Variants in PSTPIP1 observed in about 807,000 individuals in gnomAD.
PSTPIP1 encodes proline-serine-threonine phosphatase-interacting protein 1.
In PSTPIP1, 66 loss-of-function variants were observed where a neutral mutation model predicts 69.6. That is an observed-to-expected ratio of 0.95 (90% CI 0.78 to 1.16). The LOEUF (loss-of-function observed/expected upper bound fraction) is 1.16, where lower values mean the gene tolerates loss of function less well. PSTPIP1 is among the 50% of genes most tolerant of loss of function. PSTPIP1 has a pLI of 0.00. For missense variants in PSTPIP1, 603 were observed against 557.4 expected (o/e 1.08, Z -0.82); for synonymous variants, 266 against 222.7 (o/e 1.19, Z -1.73).
chr15:77,034,061 G>T (rs1331397862), intron 12 of PSTPIP1, among the ~76,000 whole-genome samples: 1 of 152,114 alleles, frequency 6.6e-6, no homozygotes, highest in Non-Finnish European at 1.5e-5. Context: ...GAGATGTCCT[G>T]CAGGGCCGAG....
chr15:77,032,278 T>C lies in PSTPIP1; in HGVS notation c.742-20T>C. 6.2e-7 allele frequency: 1 copy of C among 1,611,128 alleles called. No individual in the cohort carries two copies. The highest frequency in any genetic ancestry group is 8.5e-7 in the Non-Finnish European group (1 of 1,178,846). The stretch of plus-strand genomic sequence containing the variant: ...GCAGAGTGGGCATCGGGCTGCGGCC[T>C]CTGCTCTTTCCTGCCCCAGCTCTAC... On this transcript the variant is annotated intron_variant, in intron 10 of 14. Transcript: ENST00000558012.
At chr15:77,014,350 C>T (rs2076007026) in intron 1 of PSTPIP1, among the ~76,000 whole-genome samples, 1 of 152,132 alleles carries the variant, frequency 6.6e-6, no homozygotes, top group South Asian at 2.1e-4. Flanking sequence ...ACTATTAGGC[C>T]CATTTTCACA....
At chr15:76,999,244 C>T (rs554283921) in intron 1 of PSTPIP1, among the ~76,000 whole-genome samples, 2 of 152,044 alleles carry the variant, frequency 1.3e-5, no homozygotes, top group Non-Finnish European at 2.9e-5. Context: ...TCTCCATGGT[C>T]CATCTCCCTT....
At position 77,027,509 on chromosome 15, in the gene PSTPIP1, A is replaced by ACC. The variant is rs1301801360; in HGVS notation, c.355-342_355-341insCC. Among the ~76,000 whole-genome samples, 14 of 152,316 alleles carry ACC rather than the reference A, an allele frequency of 9.2e-5. No homozygotes were observed. The highest frequency in any genetic ancestry group is 5.9e-5 in the Non-Finnish European group (4 of 68,020). ...TGTATGTGTGTGCCAGAGTGTACAC[A>ACC]CACGTGTGAGCGACTGTGATGCCTG... On this transcript the variant is annotated intron_variant, in intron 5 of 14. Transcript: ENST00000558012. The surrounding 1 kb of genome is among the most constrained non-coding windows in gnomAD (Gnocchi z 4.3).
At position 77,027,799 on chromosome 15, in the gene PSTPIP1, G is replaced by T; in HGVS notation, c.355-53G>T. ...AGGGACACTCCGTCCTCTTGGCCTA[G>T]GGGAGCCTCCCGAGGCCGCGGCCCT... On this transcript the variant is annotated intron_variant, in intron 5 of 14. Coordinates refer to ENST00000558012, the MANE Select transcript of PSTPIP1 (RefSeq NM_003978.5). This position sits in a 1 kb window ranked among gnomAD's most constrained non-coding sequence, Gnocchi z 4.3. The T allele has an allele frequency of 6.5e-7, 1 of 1,548,508 alleles. No homozygotes were observed. The highest frequency in any genetic ancestry group is 1.2e-5 in the South Asian group (1 of 83,788).
rs1306187132 is a variant in PSTPIP1 at position 76,995,430 on chromosome 15, C to T, written c.-144C>T. The T allele has an allele frequency of 6.6e-7, 1 of 1,523,180 alleles. No individual in the cohort carries two copies. The highest frequency in any genetic ancestry group is 8.8e-7 in the Non-Finnish European group (1 of 1,138,510). The allele number at this position is 1,523,180 out of a possible 1,614,324, so 94.4% of individuals were successfully genotyped here. ...AAGCTCCTCTCTGGCTCGTGGCTGC[C>T]TTCTGAGTGTTGCAGACGGCGCCGG... On this transcript the variant is annotated 5_prime_UTR_variant, in exon 1 of 15. Transcript: ENST00000558012.
chr15:77,033,048 C>T, intron 12 of PSTPIP1, 96 bp downstream of exon 12: 2 of 1,219,824 alleles, frequency 1.6e-6, no homozygotes, highest in Admixed American at 4.1e-5. Context: ...TCACTGAGCA[C>T]CTACTATGTG....
chr15:77,032,988 T>G (rs765764833), intron 12 of PSTPIP1, 36 bp downstream of exon 12: 11 of 1,563,706 alleles, frequency 7.0e-6, no homozygotes, highest in African/African-American at 2.7e-5. Flanking sequence ...GGCCTAAGGC[T>G]GGGCCAGGAA....
intron 1 of PSTPIP1, chr15:77,007,886 G>A (rs949231756): frequency 8.8e-6 from 4 of 455,798 alleles, no homozygotes; most frequent in South Asian, 3.1e-5. Flanking sequence ...GAGCCACCGC[G>A]CCCGACTGGC....
intron 1 of PSTPIP1, chr15:77,015,935 G>A (rs191291154): frequency 1.3e-4 from 59 of 456,174 alleles, no homozygotes; most frequent in African/African-American, 1.1e-3. Flanking sequence ...GGGGACTTGA[G>A]CACGGCGGTC....
intron 1 of PSTPIP1, among the ~76,000 whole-genome samples, chr15:77,013,986 G>A (rs749330840): frequency 9.9e-5 from 15 of 152,212 alleles, no homozygotes; most frequent in Admixed American, 3.9e-4. Context: ...GCTGAGGGAA[G>A]GTGTTTCTGG....
Position 77,018,484 on chromosome 15 carries a change from G to A in PSTPIP1, c.165G>A (p.Lys55=), listed in dbSNP as rs1457643058. ...QRAQAEERYG[K]ELVQIARKAG... ...CCCAGGCGGAGGAGCGGTACGGGAAGGAGCTGGTGCAGATCGCACGGAAGG... is the reference window on the plus strand; with the variant it reads ...CCCAGGCGGAGGAGCGGTACGGGAAAGAGCTGGTGCAGATCGCACGGAAGG... Residue 55 remains lysine, a synonymous_variant, in exon 3 of 15, where the codon AAG becomes AAA. Coordinates refer to ENST00000558012, the MANE Select transcript of PSTPIP1 (RefSeq NM_003978.5). 1.3e-6 allele frequency: 2 copies of A among 1,584,856 alleles called. No homozygotes were observed. The highest frequency in any genetic ancestry group is 1.7e-6 in the Non-Finnish European group (2 of 1,165,666).
intron 1 of PSTPIP1, among the ~76,000 whole-genome samples, chr15:77,008,689 C>T (rs977268079): frequency 2.6e-5 from 4 of 152,174 alleles, no homozygotes; most frequent in East Asian, 1.9e-4. Flanking sequence ...GGATTACAGG[C>T]GTGAGCCACT....
At chr15:77,034,087 G>A (rs983917345) in intron 12 of PSTPIP1, among the ~76,000 whole-genome samples, 16 of 152,144 alleles carry the variant, frequency 1.1e-4, no homozygotes, top group Admixed American at 7.2e-4. Flanking sequence ...CCTGGCTGCT[G>A]GAGGGGGCTG....
chr15:77,025,664 TG>T, intron 5 of PSTPIP1, 60 bp downstream of exon 5: 1 of 1,200,506 alleles, frequency 8.3e-7, no homozygotes, highest in Non-Finnish European at 1.1e-6. Context: ...TCAGTTGCTG[TG>T]GGGGTAGGGG....
chr15:76,998,113 C>T (rs1189140248), intron 1 of PSTPIP1, among the ~76,000 whole-genome samples: 1 of 152,196 alleles, frequency 6.6e-6, no homozygotes, highest in Non-Finnish European at 1.5e-5. Context: ...TGGCATGCTC[C>T]TGTAATCCCA....
chr15:77,036,044 C>T, intron 14 of PSTPIP1, 109 bp downstream of exon 14: 1 of 1,367,994 alleles, frequency 7.3e-7, no homozygotes, highest in South Asian at 1.5e-5. Context: ...TTTCACTCAT[C>T]TTCGAGCATC....
At position 77,027,964 on chromosome 15, in the gene PSTPIP1, G is replaced by A. The variant is rs1399818106; in HGVS notation, c.417+50G>A. 2 of 1,471,436 alleles carry A rather than the reference G, an allele frequency of 1.4e-6. No homozygotes were observed. The highest frequency in any genetic ancestry group is 2.8e-5 in the African/African-American group (2 of 71,312). 91.1% of individuals were successfully genotyped at this position (1,471,436 alleles called of 1,614,324 possible). On this transcript the variant is annotated intron_variant, in intron 6 of 14. Coordinates refer to ENST00000558012, the MANE Select transcript of PSTPIP1 (RefSeq NM_003978.5). The surrounding 1 kb of genome is among the most constrained non-coding windows in gnomAD (Gnocchi z 4.3). ...GGCCTTCCCTCGAGGAGCAGCGCAG[G>A]TCTCAGGGTGCGATCCTGGGCTGTG... is the stretch of plus-strand genomic sequence containing the variant.
intron 1 of PSTPIP1, among the ~76,000 whole-genome samples, chr15:77,013,653 C>G (rs2075990362): frequency 6.6e-6 from 1 of 152,184 alleles, no homozygotes; most frequent in African/African-American, 2.4e-5. Flanking sequence ...AGGGGCTCCT[C>G]TCTCCCTGTC....
Sources: allele counts gnomAD v4.1 joint callset (sites outside exome capture counted in the v4.1 genomes callset), GRCh38; gene constraint gnomAD v4.1.1; non-coding constraint Gnocchi (gnomAD v3.1); transcripts MANE v1.5; gene names NCBI Gene and HGNC (gene_info 2026-07-23, HGNC 2026-07-21).